The following GALNT13 variants were observed in gnomAD, a reference collection of about 807,000 sequenced individuals.
GALNT13 encodes polypeptide N-acetylgalactosaminyltransferase 13, also known as UDP-GalNAc:polypeptide N-acetylgalactosaminyltransferase 13.
In GALNT13, 28 loss-of-function variants were observed where a neutral mutation model predicts 64.2. That is an observed-to-expected ratio of 0.44 (90% confidence interval 0.32 to 0.60). The LOEUF (loss-of-function observed/expected upper bound fraction) is 0.60. GALNT13 is among the 20% of genes least tolerant of loss of function. GALNT13 has a pLI of 0.05. For synonymous variants in GALNT13, 214 were observed against 224.6 expected, an observed-to-expected ratio of 0.95 and a Z score of 0.42; for missense variants, 577 against 669.8, an observed-to-expected ratio of 0.86 and a Z score of 1.53.
intron 3 of GALNT13, among the ~76,000 whole-genome samples, chr2:153,985,297 A>C (rs1227793743): frequency 6.6e-6 from 1 of 151,950 alleles, no homozygotes; most frequent in East Asian, 1.9e-4. Flanking sequence ...CCAAAATGTA[A>C]ATGTCCATTT....
chr2:153,881,891 T>G lies in GALNT13; in HGVS notation c.-177+9588T>G, dbSNP rs183495664. On this transcript the variant is annotated intron_variant, in intron 1 of 12. Coordinates refer to ENST00000392825, the MANE Select transcript of GALNT13 (RefSeq NM_052917.4). The stretch of plus-strand genomic sequence containing the variant: ...ACATTTATCTCAACAGAGATCCTTA[T>G]TTGAATCATTCTGAAGAACATTATT... 5.9e-3 allele frequency among the ~76,000 whole-genome samples: 897 copies of G among 152,276 alleles called. 6 individuals carry two copies. Among genetic ancestry groups the G allele is most frequent in the Admixed American group, 0.01 (154 of 15,272 alleles).
At chr2:153,861,141 G>C in the GALNT13 span, among the ~76,000 whole-genome samples, 1 of 152,118 alleles carries the variant, frequency 6.6e-6, no homozygotes, top group Non-Finnish European at 1.5e-5. Flanking sequence ...AAAAATGCAA[G>C]GACTTAGACA....
intron 8 of GALNT13, among the ~76,000 whole-genome samples, chr2:154,260,033 A>G (rs1327844510): frequency 6.6e-6 from 1 of 151,802 alleles, no homozygotes; most frequent in Non-Finnish European, 1.5e-5. Flanking sequence ...GAGGTGTGCA[A>G]CACTACTCCT....
chr2:153,257,057 G>A, the GALNT13 span, among the ~76,000 whole-genome samples: 1 of 152,214 alleles, frequency 6.6e-6, no homozygotes, highest in Non-Finnish European at 1.5e-5. Context: ...CAGCCTCGCT[G>A]CCGCCTTGCA....
intron 4 of GALNT13, among the ~76,000 whole-genome samples, chr2:154,157,989 T>C (rs1412508964): frequency 6.6e-6 from 1 of 152,172 alleles, no homozygotes; most frequent in African/African-American, 2.4e-5. Flanking sequence ...CAAGCGTAGA[T>C]ATGTCCTAAG....
chr2:153,194,845 C>T, the GALNT13 span, among the ~76,000 whole-genome samples: 3 of 152,164 alleles, frequency 2.0e-5, no homozygotes, highest in African/African-American at 7.2e-5. Flanking sequence ...TGGCTGTAAA[C>T]AGTGTCAGTG....
chr2:154,450,855 G>A lies in GALNT13; in HGVS notation c.*304G>A. On this transcript the variant is annotated 3_prime_UTR_variant, in exon 13 of 13. Coordinates refer to ENST00000392825, the MANE Select transcript of GALNT13 (RefSeq NM_052917.4). Reference sequence around the variant, plus strand: ...TGCACTCATGTCATAGGGTTAATTGGAGGTTATTTTATTTTTGGTTGTCAT... The same window carrying A: ...TGCACTCATGTCATAGGGTTAATTGAAGGTTATTTTATTTTTGGTTGTCAT... The A allele has an allele frequency of 4.7e-6, 1 of 213,252 alleles. No individual in the cohort carries two copies. Among genetic ancestry groups the A allele is most frequent in the Non-Finnish European group, 9.3e-6 (1 of 107,344 alleles). 13.2% of individuals were successfully genotyped at this position (213,252 alleles called of 1,614,324 possible).
chr2:154,083,151 C>T (rs1194989479), intron 3 of GALNT13, among the ~76,000 whole-genome samples: 1 of 152,008 alleles, frequency 6.6e-6, no homozygotes, highest in Non-Finnish European at 1.5e-5. Context: ...TTTCCCAACA[C>T]CATTTATTAA....
chr2:154,081,833 C>G (rs1468169057), intron 3 of GALNT13, among the ~76,000 whole-genome samples: 2 of 151,866 alleles, frequency 1.3e-5, no homozygotes, highest in Non-Finnish European at 3.0e-5. Flanking sequence ...CTTTAATGGA[C>G]ATTTGTGGTG....
chr2:153,196,090 C>T, the GALNT13 span, among the ~76,000 whole-genome samples: 13 of 152,176 alleles, frequency 8.5e-5, no homozygotes, highest in Non-Finnish European at 1.3e-4. Flanking sequence ...GTCCTTGGGC[C>T]ACCAGGAGCG....
At chr2:154,269,906 G>GTGTGTATATATATATATATA (rs529424469) in intron 8 of GALNT13, among the ~76,000 whole-genome samples, 1 of 96,884 alleles carries the variant, frequency 1.0e-5, no homozygotes, top group Non-Finnish European at 2.1e-5. Context: ...ATATATATGT[G>GTGTGTATATATATATATATA]TATATATATA....
chr2:153,572,030 CTCTT>C, the GALNT13 span, among the ~76,000 whole-genome samples: 1 of 151,504 alleles, frequency 6.6e-6, no homozygotes, highest in Non-Finnish European at 1.5e-5. Flanking sequence ...AATATTAGTT[CTCTT>C]TAAGATTTTG....
At chr2:153,478,477 C>T in the GALNT13 span, 10 of 1,613,288 alleles carry the variant, frequency 6.2e-6, no homozygotes, top group Non-Finnish European at 8.5e-6. Flanking sequence ...CGCCTGGGTG[C>T]AGCAGCGCAC....
At chr2:153,122,510 A>G in the GALNT13 span, among the ~76,000 whole-genome samples, 1 of 152,114 alleles carries the variant, frequency 6.6e-6, no homozygotes, top group East Asian at 1.9e-4. Flanking sequence ...GCTAACCTTA[A>G]TGTTCCATTC....
At chr2:153,435,544 C>T in the GALNT13 span, among the ~76,000 whole-genome samples, 413 of 151,472 alleles carry the variant, frequency 2.7e-3, 18 homozygotes, top group East Asian at 0.073. Flanking sequence ...AGGTCCTTCA[C>T]GTCCCTTGTA....
chr2:154,296,936 T>C (rs1221108837), intron 8 of GALNT13, among the ~76,000 whole-genome samples: 1 of 152,164 alleles, frequency 6.6e-6, no homozygotes, highest in Non-Finnish European at 1.5e-5. Flanking sequence ...ATGACAAGTA[T>C]GGCAAAGAGG....
At chr2:153,259,656 T>C in the GALNT13 span, among the ~76,000 whole-genome samples, 2 of 152,278 alleles carry the variant, frequency 1.3e-5, no homozygotes, top group East Asian at 3.9e-4. Flanking sequence ...GCACACGGTC[T>C]CTTCCCTGCT....
the GALNT13 span, among the ~76,000 whole-genome samples, chr2:153,709,420 T>A: frequency 8.6e-5 from 13 of 151,958 alleles, no homozygotes; most frequent in Non-Finnish European, 1.5e-4. Flanking sequence ...ATTAGGGAAA[T>A]GAAAATTGAA....
chr2:154,262,327 T>A (rs952192210), intron 8 of GALNT13, among the ~76,000 whole-genome samples: 1 of 152,142 alleles, frequency 6.6e-6, no homozygotes, highest in African/African-American at 2.4e-5. Flanking sequence ...GTTGATGGTA[T>A]TATTAGGAGA....
Sources: allele counts gnomAD v4.1 joint callset (sites outside exome capture counted in the v4.1 genomes callset), GRCh38; gene constraint gnomAD v4.1.1; transcripts MANE v1.5; gene names NCBI Gene and HGNC (gene_info 2026-07-23, HGNC 2026-07-21).